Variants in ITIH5 observed in about 807,000 individuals in gnomAD.
ITIH5 encodes the protein inter-alpha-trypsin inhibitor heavy chain 5, also known as inter-alpha-trypsin inhibitor heavy chain H5.
ITIH5 carries 65 observed loss-of-function variants against 77.5 expected under a neutral mutation model. That is an observed-to-expected ratio of 0.84 (90% CI 0.69 to 1.03). The LOEUF is 1.03. Ranked by LOEUF, ITIH5 falls within the 50% of genes least tolerant of loss-of-function variation. The pLI is 0.00. For missense variants in ITIH5, 1,208 were observed against 1,213.1 expected (o/e 1.00, Z 0.06); for synonymous variants, 525 against 494.3 (o/e 1.06, Z -0.82).
intron 2 of ITIH5, among the ~76,000 whole-genome samples, chr10:7,644,801 T>TATATCACATATATATCAC (rs1833972820): frequency 3.8e-5 from 4 of 105,076 alleles, no homozygotes; most frequent in Admixed American, 9.2e-5. Context: ...ATATATATCA[T>TATATCACATATATATCAC]ATATATCACA....
Position 7,629,125 on chromosome 10 carries a change from G to A in ITIH5, c.652+8103C>T, listed in dbSNP as rs577633672. ...TGTGTCCATGTTGTAGAGTGTGTCC[G>A]TGTTGTAGCATGTGTCCGTGTTGTG... On this transcript the variant is annotated intron_variant, in intron 5 of 13. Transcript: ENST00000397146. 9.1e-4 allele frequency among the ~76,000 whole-genome samples: 102 copies of A among 112,312 alleles called. 4 individuals are homozygous for A. The highest frequency in any genetic ancestry group is 2.1e-3 in the African/African-American group (74 of 35,448). The allele number at this position is 112,312 out of a possible 152,430, so 73.7% of individuals were successfully genotyped here.
intron 3 of ITIH5, among the ~76,000 whole-genome samples, chr10:7,641,707 AG>A: frequency 1.2e-5 from 1 of 84,306 alleles, no homozygotes; most frequent in South Asian, 5.4e-4. Context: ...GGAGGGAGGG[AG>A]AGAGGGAGGG....
At chr10:7,627,721 A>G (rs1390764238) in intron 5 of ITIH5, among the ~76,000 whole-genome samples, 1 of 152,080 alleles carries the variant, frequency 6.6e-6, no homozygotes. Flanking sequence ...AACACAGCAA[A>G]CTGGCTTCCA....
At position 7,640,777 on chromosome 10, in the gene ITIH5, C is replaced by A. The variant is rs748021965; in HGVS notation, c.378G>T (p.Arg126Ser). The stretch of plus-strand genomic sequence containing the variant: ...ACCCATTTTCTTCTGTGGTTTTATT[C>A]CTTTTCTCTTTTACCCTATCACCAC... The part of the protein sequence containing the change: ...KKSGDRVKEK[R>S]NKTTEENGEK... The change falls in exon 4 of 14, where the codon AGG becomes AGT. Residue 126 changes from arginine (R) to serine (S), a missense_variant. Coordinates refer to ENST00000397146, the MANE Select transcript of ITIH5 (RefSeq NM_030569.7). 1 of 1,612,226 alleles carries A rather than the reference C, an allele frequency of 6.2e-7. No individual in the cohort carries two copies.
At chr10:7,596,137 A>G (rs1053905400) in intron 7 of ITIH5, among the ~76,000 whole-genome samples, 1 of 152,186 alleles carries the variant, frequency 6.6e-6, no homozygotes, top group African/African-American at 2.4e-5. Flanking sequence ...GAGTCTCTTT[A>G]ATGGTGTCTG....
intron 10 of ITIH5, 139 bp from the exon 11 acceptor site, chr10:7,573,334 A>C: frequency 3.0e-6 from 2 of 670,698 alleles, no homozygotes; most frequent in Admixed American, 5.3e-5. Flanking sequence ...AAAGACCTTT[A>C]AAACATCATC....
At chr10:7,592,410 A>T (rs1832810585) in intron 7 of ITIH5, among the ~76,000 whole-genome samples, 1 of 152,144 alleles carries the variant, frequency 6.6e-6, no homozygotes, top group Non-Finnish European at 1.5e-5. Flanking sequence ...ATTATTAAAC[A>T]AATAAGACAG....
chr10:7,650,379 T>C (rs1834077804), intron 2 of ITIH5, among the ~76,000 whole-genome samples: 2 of 152,248 alleles, frequency 1.3e-5, no homozygotes, highest in African/African-American at 4.8e-5. Flanking sequence ...GGCTGGAGCG[T>C]GGCAGTTGGC....
At chr10:7,639,720 G>A (rs564840077) in intron 4 of ITIH5, among the ~76,000 whole-genome samples, 1 of 152,310 alleles carries the variant, frequency 6.6e-6, no homozygotes, top group East Asian at 1.9e-4. Context: ...GGCTCTGCAT[G>A]CAGTTCATGT....
At chr10:7,601,318 G>C (rs1405121797) in intron 7 of ITIH5, among the ~76,000 whole-genome samples, 1 of 152,164 alleles carries the variant, frequency 6.6e-6, no homozygotes, top group Admixed American at 6.5e-5. Context: ...AGCCCAGGGG[G>C]GTTCTTGGAG....
intron 1 of ITIH5, among the ~76,000 whole-genome samples, chr10:7,657,046 T>C (rs1834198236): frequency 9.8e-6 from 1 of 101,578 alleles, no homozygotes; most frequent in African/African-American, 3.5e-5. Context: ...TCGGCCTTTT[T>C]TTTTTTTTTT....
At chr10:7,567,054 G>A (rs1832200633) in intron 12 of ITIH5, among the ~76,000 whole-genome samples, 1 of 151,878 alleles carries the variant, frequency 6.6e-6, no homozygotes, top group Non-Finnish European at 1.5e-5. Context: ...GTCACCAAGT[G>A]AGTGAACAAA....
chr10:7,646,692 A>G (rs1303710674), intron 2 of ITIH5, among the ~76,000 whole-genome samples: 2 of 152,150 alleles, frequency 1.3e-5, no homozygotes, highest in South Asian at 2.1e-4. Context: ...GCATCTCTCT[A>G]TCTCATGTTG....
chr10:7,645,203 G>A (rs1833992670), intron 2 of ITIH5, among the ~76,000 whole-genome samples: 1 of 151,938 alleles, frequency 6.6e-6, no homozygotes, highest in African/African-American at 2.4e-5. Flanking sequence ...TTCTTAGAGA[G>A]ACAGAAGGGA....
intron 5 of ITIH5, among the ~76,000 whole-genome samples, chr10:7,629,483 C>A (rs977556201): frequency 1.3e-5 from 2 of 151,352 alleles, no homozygotes; most frequent in African/African-American, 2.4e-5. Flanking sequence ...TCGCATGTGT[C>A]CATGTTGTAG....
chr10:7,649,226 TCTTCTTC>T (rs1174995944), intron 2 of ITIH5, among the ~76,000 whole-genome samples: 5 of 152,118 alleles, frequency 3.3e-5, no homozygotes, highest in South Asian at 4.2e-4. Flanking sequence ...CTTTCTTCTT[TCTTCTTC>T]CTTCTTTCTT....
Position 7,642,059 on chromosome 10 carries a change from A to T in ITIH5, c.167T>A (p.Val56Glu), listed in dbSNP as rs749845097. ...ATAACGGGAAATGATGGTAGACTTC[A>T]CTGAGAATTCTGTCATCAAAGGTTT... ...KTKPLMTEFS[V>E]KSTIISRYAF... is the part of the protein sequence containing the mutation. The change falls in exon 3 of 14, where the codon GTG becomes GAG. Residue 56 changes from valine (V) to glutamate (E), a missense_variant. Transcript: ENST00000397146. 2 of 1,613,982 alleles carry T rather than the reference A, an allele frequency of 1.2e-6. No individual in the cohort carries two copies. Among genetic ancestry groups the T allele is most frequent in the Admixed American group, 3.3e-5 (2 of 60,008 alleles).
At chr10:7,629,767 C>G (rs1173330556) in intron 5 of ITIH5, among the ~76,000 whole-genome samples, 1 of 152,180 alleles carries the variant, frequency 6.6e-6, no homozygotes, top group East Asian at 1.9e-4. Context: ...ACTGTGAATA[C>G]TGCTACTGTA....
chr10:7,627,272 C>G (rs1460428406), intron 5 of ITIH5, among the ~76,000 whole-genome samples: 1 of 147,426 alleles, frequency 6.8e-6, no homozygotes, highest in African/African-American at 2.6e-5. Context: ...CCTGCACGTT[C>G]TGCACATGGA....
Sources: allele counts gnomAD v4.1 joint callset (sites outside exome capture counted in the v4.1 genomes callset), GRCh38; gene constraint gnomAD v4.1.1; transcripts MANE v1.5; gene names NCBI Gene and HGNC (gene_info 2026-07-23, HGNC 2026-07-21).